Variants in C5orf58 observed in about 807,000 individuals in gnomAD.
The protein encoded by C5orf58 is chromosome 5 open reading frame 58.
Under a neutral mutation model 2.9 loss-of-function variants are expected in C5orf58, and 2 were observed. That is an observed-to-expected ratio of 0.69 (90% CI 0.28 to 2.18). The LOEUF (loss-of-function observed/expected upper bound fraction) is 2.18, where lower values mean the gene tolerates loss of function less well. C5orf58 is among the 30% of genes most tolerant of loss of function. The pLI is 0.13. For synonymous variants in C5orf58, 37 were observed against 33.4 expected, an observed-to-expected ratio of 1.11 and a Z score of -0.37; for missense variants, 96 against 91.7, an observed-to-expected ratio of 1.05 and a Z score of -0.19.
At chr5:170,239,323 T>A (rs1197872648) in intron 3 of C5orf58, among the ~76,000 whole-genome samples, 1 of 151,812 alleles carries the variant, frequency 6.6e-6, no homozygotes, top group East Asian at 1.9e-4. Flanking sequence ...TCCTGAAGTA[T>A]ATTGGGAGAG....
chr5:170,233,085 T>G, intron 1 of C5orf58, 78 bp downstream of exon 1: 1 of 633,308 alleles, frequency 1.6e-6, no homozygotes, highest in Non-Finnish European at 2.0e-6. Context: ...ATTTCCAGGC[T>G]GCCCGAGGCT....
In C5orf58 at chr5:170,243,373, T is replaced by C. The variant is rs908485678; in HGVS notation, c.95-2589T>C. 2.1e-4 allele frequency among the ~76,000 whole-genome samples: 25 copies of C among 118,008 alleles called. 2 individuals are homozygous for C. The highest frequency in any genetic ancestry group is 8.0e-4 in the African/African-American group (24 of 29,944). 77.4% of individuals were successfully genotyped at this position (118,008 alleles called of 152,430 possible). A position where few individuals can be genotyped will look rare whatever the true frequency, so the allele number is the denominator to read the frequency against. The stretch of plus-strand genomic sequence containing the variant: ...TCATTGATCTGTCTAATATTGACAG[T>C]GGGGTGTTAAAGTCTCCCATTATTA... On this transcript the variant is annotated intron_variant, in intron 3 of 3. Transcript: ENST00000593851.
At chr5:170,250,894 A>G, downstream of C5orf58, 3 of 1,612,176 alleles carry the variant, frequency 1.9e-6, no homozygotes, top group Non-Finnish European at 2.5e-6. Context: ...TCCTAAAAAG[A>G]CAAATTCCTG....
At chr5:170,248,092 A>C (rs1397994365), downstream of C5orf58, 3 of 152,266 alleles carry the variant, frequency 2.0e-5, no homozygotes, top group Non-Finnish European at 4.4e-5. Flanking sequence ...AGTAAAGCAA[A>C]AGACTATTTT....
intron 3 of C5orf58, among the ~76,000 whole-genome samples, chr5:170,244,329 T>G (rs2113124856): frequency 1.3e-5 from 2 of 151,264 alleles, no homozygotes; most frequent in South Asian, 4.2e-4. Flanking sequence ...TTGGCCTGCC[T>G]TGCTAGATTG....
chr5:170,240,036 TG>T (rs1760923495), intron 3 of C5orf58, among the ~76,000 whole-genome samples: 1 of 151,368 alleles, frequency 6.6e-6, no homozygotes, highest in South Asian at 2.1e-4. Context: ...TTTGGTTTTT[TG>T]TTCTTGCGAT....
intron 3 of C5orf58, among the ~76,000 whole-genome samples, chr5:170,238,572 G>A (rs918972590): frequency 1.3e-5 from 2 of 152,126 alleles, no homozygotes; most frequent in African/African-American, 4.8e-5. Flanking sequence ...TAGAGTTGAA[G>A]GGCATTTGTT....
At chr5:170,235,218 C>G in intron 3 of C5orf58, 148 bp downstream of exon 3, 1 of 571,790 alleles carries the variant, frequency 1.7e-6, no homozygotes, top group Non-Finnish European at 3.1e-6. Flanking sequence ...TGTAAGTGAA[C>G]TAGATCTCTA....
chr5:170,235,629 T>G (rs1760710824), intron 3 of C5orf58, among the ~76,000 whole-genome samples: 1 of 152,238 alleles, frequency 6.6e-6, no homozygotes, highest in Non-Finnish European at 1.5e-5. Context: ...GCTGGGGAAC[T>G]TCCTGTCTCA....
Position 170,246,118 on chromosome 5 carries a change from T to C in C5orf58, c.*5T>C. The C allele has an allele frequency of 1.9e-6, 3 of 1,604,988 alleles. No individual in the cohort carries two copies. Among genetic ancestry groups the C allele is most frequent in the Non-Finnish European group, 2.6e-6 (3 of 1,174,938 alleles). On this transcript the variant is annotated 3_prime_UTR_variant, in exon 4 of 4. Coordinates refer to ENST00000593851, the MANE Select transcript of C5orf58 (RefSeq NM_001102609.3). ...TCTAACAGTTTTTCTATCTGATTTCTTATTTGTTATGAGTTTCTGTTTTAT... is the reference window on the plus strand; with the variant it reads ...TCTAACAGTTTTTCTATCTGATTTCCTATTTGTTATGAGTTTCTGTTTTAT...
intron 1 of C5orf58, 32 bp downstream of exon 1, chr5:170,233,039 A>T (rs1283113574): frequency 1.1e-6 from 1 of 928,230 alleles, no homozygotes; most frequent in Non-Finnish European, 1.3e-6. Flanking sequence ...GTCTTGAAGG[A>T]TCCTAATCTG....
intron 3 of C5orf58, chr5:170,237,330 T>C: frequency 5.0e-6 from 2 of 398,426 alleles, no homozygotes; most frequent in Non-Finnish European, 8.9e-6. Flanking sequence ...CTAAGAGCTC[T>C]GCATAAATGA....
chr5:170,233,477 T>C (rs556812118), intron 1 of C5orf58: 1 of 152,702 alleles, frequency 6.5e-6, no homozygotes, highest in African/African-American at 2.4e-5. Context: ...CAGGTGTCAG[T>C]TGGGCCAAGG....
At chr5:170,247,839 C>T (rs1761333440), downstream of C5orf58, 1 of 152,226 alleles carries the variant, frequency 6.6e-6, no homozygotes, top group Admixed American at 6.5e-5. Context: ...TATCCCTGGA[C>T]AATGCTTTTG....
chr5:170,244,324 C>T (rs894714227), intron 3 of C5orf58, among the ~76,000 whole-genome samples: 30 of 150,956 alleles, frequency 2.0e-4, no homozygotes, highest in Admixed American at 3.3e-4. Flanking sequence ...GAACATTGGC[C>T]TGCCTTGCTA....
downstream of C5orf58, chr5:170,250,895 C>CCTAA (rs1761422785): frequency 6.2e-7 from 1 of 1,611,856 alleles, no homozygotes; most frequent in East Asian, 2.2e-5. Context: ...CCTAAAAAGA[C>CCTAA]AAATTCCTGT....
downstream of C5orf58, chr5:170,247,660 C>T (rs1761328595): frequency 6.6e-6 from 1 of 152,134 alleles, no homozygotes; most frequent in South Asian, 2.1e-4. Context: ...TTAATTACCT[C>T]AAAGCACTTA....
chr5:170,246,042 A>G lies in C5orf58; in HGVS notation c.175A>G (p.Arg59Gly). ...IKTENLAEAE[R>G]NNPLFEESKI... ...GACTGAGAACTTAGCAGAAGCAGAA[A>G]GAAACAACCCCCTCTTTGAAGAGTC... Residue 59 changes from arginine to glycine, a missense_variant, in exon 4 of 4, where the codon AGA becomes GGA. Arg to Gly is a moderately radical substitution (Grantham distance 125). Transcript: ENST00000593851. 1 of 1,613,814 alleles carries G rather than the reference A, an allele frequency of 6.2e-7. No homozygotes were observed. The highest frequency in any genetic ancestry group is 8.5e-7 in the Non-Finnish European group (1 of 1,179,744).
At chr5:170,250,904 G>A (rs1490137776), downstream of C5orf58, 5 of 1,608,462 alleles carry the variant, frequency 3.1e-6, no homozygotes, top group South Asian at 3.3e-5. Flanking sequence ...ACAAATTCCT[G>A]TTATTATGGG....
Sources: gnomAD v4.1 joint callset for allele counts (sites outside exome capture counted in the v4.1 genomes callset) on GRCh38, gnomAD v4.1.1 for gene constraint, MANE v1.5 for transcripts, NCBI Gene and HGNC (gene_info 2026-07-23, HGNC 2026-07-21) for gene names.